The following IMMP2L variants were observed in gnomAD, a reference collection of about 807,000 sequenced individuals.
IMMP2L encodes inner mitochondrial membrane peptidase subunit 2.
IMMP2L carries 18 observed loss-of-function variants against 19.3 expected under a neutral mutation model. The ratio of observed to expected loss-of-function variants is 0.93; its 90% CI spans 0.64 to 1.38. The LOEUF (loss-of-function observed/expected upper bound fraction) is 1.38. IMMP2L is among the 40% of genes most tolerant of loss of function. IMMP2L has a pLI of 0.00. For synonymous variants in IMMP2L, 76 were observed against 73.0 expected, an observed-to-expected ratio of 1.04 and a Z score of -0.21; for missense variants, 233 against 218.2, an observed-to-expected ratio of 1.07 and a Z score of -0.43.
At chr7:111,055,335 G>A (rs1469660920) in intron 3 of IMMP2L, among the ~76,000 whole-genome samples, 1 of 152,144 alleles carries the variant, frequency 6.6e-6, no homozygotes, top group Admixed American at 6.5e-5. Flanking sequence ...GAGCCACCAC[G>A]CTCAGCTGAG....
Position 111,076,838 on chromosome 7 carries a change from T to G in IMMP2L, c.240-113273A>C, listed in dbSNP as rs888278343. Reference sequence around the variant, plus strand: ...GTACGTCAGAATACACCTCTCTAACTACCTTACTCTCATCTCTCTCCTCTC... The same window carrying G: ...GTACGTCAGAATACACCTCTCTAACGACCTTACTCTCATCTCTCTCCTCTC... On this transcript the variant is annotated intron_variant, in intron 3 of 5. Coordinates refer to ENST00000405709, the MANE Select transcript of IMMP2L (RefSeq NM_032549.4). Among the ~76,000 whole-genome samples the G allele has an allele frequency of 3.3e-5, 5 of 152,224 alleles. 1 individual carries two copies. In the East Asian group the frequency reaches 7.7e-4, roughly 23 times the overall value.
intron 3 of IMMP2L, among the ~76,000 whole-genome samples, chr7:111,313,513 A>G (rs2130332358): frequency 6.6e-6 from 1 of 152,298 alleles, no homozygotes; most frequent in East Asian, 1.9e-4. Context: ...GTTTTATGGT[A>G]TAATAATAAC....
intron 3 of IMMP2L, among the ~76,000 whole-genome samples, chr7:111,378,197 T>C (rs183062221): frequency 3.9e-5 from 6 of 152,040 alleles, no homozygotes; most frequent in Middle Eastern, 6.8e-3. Flanking sequence ...GTAAGCAAAA[T>C]TGCATGATAA....
intron 3 of IMMP2L, among the ~76,000 whole-genome samples, chr7:111,462,794 G>A (rs550462254): frequency 2.8e-4 from 43 of 152,178 alleles, no homozygotes; most frequent in South Asian, 2.1e-4. Context: ...TTGTGTGACC[G>A]ATGGCAAGGT....
intron 5 of IMMP2L, among the ~76,000 whole-genome samples, chr7:110,702,687 T>A (rs1794364230): frequency 6.6e-6 from 1 of 152,192 alleles, no homozygotes; most frequent in South Asian, 2.1e-4. Context: ...ATAAATAATA[T>A]GATTTAACAT....
chr7:111,489,690 G>A (rs1842938001), intron 2 of IMMP2L, among the ~76,000 whole-genome samples: 1 of 152,098 alleles, frequency 6.6e-6, no homozygotes, highest in Non-Finnish European at 1.5e-5. Context: ...TTTTGATCCA[G>A]GGTTTTGCAG....
chr7:111,400,088 CG>C (rs764161407), intron 3 of IMMP2L, among the ~76,000 whole-genome samples: 8 of 152,094 alleles, frequency 5.3e-5, no homozygotes, highest in Non-Finnish European at 1.2e-4. Flanking sequence ...GACCTCTCAA[CG>C]TATCTGATCA....
At chr7:111,160,168 A>C (rs1805095959) in intron 3 of IMMP2L, among the ~76,000 whole-genome samples, 1 of 152,164 alleles carries the variant, frequency 6.6e-6, no homozygotes, top group Non-Finnish European at 1.5e-5. Flanking sequence ...ATATCCAAAA[A>C]AATGCAATAG....
chr7:111,075,578 T>C (rs1368030152), intron 3 of IMMP2L, among the ~76,000 whole-genome samples: 1 of 152,220 alleles, frequency 6.6e-6, no homozygotes, highest in Non-Finnish European at 1.5e-5. Flanking sequence ...GAATGTTTTT[T>C]CTCTGAGCCT....
chr7:111,038,042 G>A (rs10278767), intron 3 of IMMP2L, among the ~76,000 whole-genome samples: 22,679 of 152,002 alleles, frequency 0.15, 1,812 homozygotes, highest in South Asian at 0.26. Flanking sequence ...CTATTATAGT[G>A]AAATATTGAC....
chr7:111,116,916 AG>A (rs1799945848), intron 3 of IMMP2L, among the ~76,000 whole-genome samples: 1 of 152,170 alleles, frequency 6.6e-6, no homozygotes, highest in Admixed American at 6.5e-5. Flanking sequence ...TGAGCTTTAG[AG>A]GCAAAATGAA....
intron 3 of IMMP2L, among the ~76,000 whole-genome samples, chr7:111,235,097 C>T (rs37712): frequency 0.23 from 34,621 of 151,894 alleles, 5,983 homozygotes; most frequent in African/African-American, 0.48. Context: ...CTGCCAGTGA[C>T]TAATTTTTTC....
At chr7:111,236,258 G>C (rs967716923) in intron 3 of IMMP2L, among the ~76,000 whole-genome samples, 1 of 151,836 alleles carries the variant, frequency 6.6e-6, no homozygotes, top group African/African-American at 2.4e-5. Flanking sequence ...ACCTTTTGGG[G>C]TGCTACATAT....
chr7:111,506,274 GAC>G (rs1844892400), intron 2 of IMMP2L, among the ~76,000 whole-genome samples: 1 of 151,672 alleles, frequency 6.6e-6, no homozygotes, highest in African/African-American at 2.4e-5. Flanking sequence ...TAATAAGGTG[GAC>G]ACACCCCAGA....
At chr7:110,961,158 A>G (rs998414326) in intron 4 of IMMP2L, among the ~76,000 whole-genome samples, 1 of 151,928 alleles carries the variant, frequency 6.6e-6, no homozygotes, top group Non-Finnish European at 1.5e-5. Flanking sequence ...TGAACCTACC[A>G]TAACACTCAG....
At chr7:111,231,084 A>C (rs575601047) in intron 3 of IMMP2L, among the ~76,000 whole-genome samples, 69 of 151,262 alleles carry the variant, frequency 4.6e-4, no homozygotes, top group African/African-American at 1.7e-3. Flanking sequence ...AGCTTTTATA[A>C]TACTGAAACC....
At chr7:111,109,098 G>A (rs1023766272) in intron 3 of IMMP2L, among the ~76,000 whole-genome samples, 3 of 152,054 alleles carry the variant, frequency 2.0e-5, no homozygotes, top group Admixed American at 6.6e-5. Flanking sequence ...ATGACTTTAG[G>A]GGATATTTTA....
In IMMP2L at chr7:110,761,730, A is replaced by T. The variant is rs373708351; in HGVS notation, c.409-98009T>A. On this transcript the variant is annotated intron_variant, in intron 5 of 5. Transcript: ENST00000405709. ...TATGATTACAAATCCAATTTCACAG[A>T]TGAGGAACCTGAGGCTTAAAGAGTT... Among the ~76,000 whole-genome samples the T allele has an allele frequency of 1.1e-4, 16 of 152,208 alleles. No individual in the cohort carries two copies. In the East Asian group the frequency reaches 2.7e-3, roughly 26 times the overall value.
intron 5 of IMMP2L, among the ~76,000 whole-genome samples, chr7:110,738,395 C>T (rs999815021): frequency 6.6e-6 from 1 of 152,120 alleles, no homozygotes. Context: ...ATCAAGGGCA[C>T]ACTTAGAGAA....
Sources: gnomAD v4.1 joint callset for allele counts (sites outside exome capture counted in the v4.1 genomes callset) on GRCh38, gnomAD v4.1.1 for gene constraint, MANE v1.5 for transcripts, NCBI Gene and HGNC (gene_info 2026-07-23, HGNC 2026-07-21) for gene names.